TBC1D4: variants seen among roughly 807,000 people sequenced by gnomAD.
The protein encoded by TBC1D4 is TBC (Tre-2, BUB2, CDC16) domain-containing protein.
In TBC1D4, 121 loss-of-function variants were observed where a neutral mutation model predicts 142.5. The observed-to-expected ratio is 0.85, with a 90% CI of 0.73 to 0.99. TBC1D4 has a LOEUF of 0.99. Among genes scored for constraint, TBC1D4 ranks in the 50% least tolerant of loss-of-function variants. The probability of loss-of-function intolerance (pLI) is 0.00; values close to 1 mark genes in which losing one functional copy is unlikely to be tolerated. For missense variants in TBC1D4, 1,475 were observed against 1,606.6 expected (o/e 0.92, Z 1.40); for synonymous variants, 630 against 628.2 (o/e 1.00, Z -0.04).
chr13:75,394,054 T>C (rs1038952265), intron 1 of TBC1D4, among the ~76,000 whole-genome samples: 1 of 152,228 alleles, frequency 6.6e-6, no homozygotes, highest in Non-Finnish European at 1.5e-5. Context: ...CTATGTTAAT[T>C]GCTTTGAAAT....
chr13:75,349,383 T>G, intron 4 of TBC1D4, 81 bp from the exon 5 acceptor site: 1 of 1,555,536 alleles, frequency 6.4e-7, no homozygotes, highest in Non-Finnish European at 8.8e-7. Flanking sequence ...TGTGAGCCTT[T>G]GTTGATGCTG....
intron 4 of TBC1D4, 135 bp downstream of exon 4, chr13:75,356,012 G>A (rs942678611): frequency 1.8e-5 from 13 of 722,410 alleles, no homozygotes; most frequent in African/African-American, 1.4e-4. Flanking sequence ...GCTTTGAAGG[G>A]GAGGAACATA....
chr13:75,313,337 T>G (rs1042195617), intron 12 of TBC1D4, among the ~76,000 whole-genome samples: 1 of 152,220 alleles, frequency 6.6e-6, no homozygotes, highest in East Asian at 1.9e-4. Flanking sequence ...CTGTTTCTAA[T>G]TGCCTACGAC....
At chr13:75,383,604 A>G (rs986854428) in intron 1 of TBC1D4, among the ~76,000 whole-genome samples, 1 of 152,126 alleles carries the variant, frequency 6.6e-6, no homozygotes, top group African/African-American at 2.4e-5. Flanking sequence ...CATAATTTTT[A>G]TTACAGTATA....
chr13:75,388,993 G>A (rs1392689648), intron 1 of TBC1D4, among the ~76,000 whole-genome samples: 1 of 152,212 alleles, frequency 6.6e-6, no homozygotes, highest in Non-Finnish European at 1.5e-5. Context: ...TGTGCATAAA[G>A]TGGTTTACTG....
chr13:75,384,202 G>A (rs932651464), intron 1 of TBC1D4, among the ~76,000 whole-genome samples: 1 of 152,214 alleles, frequency 6.6e-6, no homozygotes, highest in Non-Finnish European at 1.5e-5. Flanking sequence ...TTGGGAGGCT[G>A]AGGCGGGCAG....
chr13:75,466,891 A>T (rs1888192926), intron 1 of TBC1D4, among the ~76,000 whole-genome samples: 1 of 151,874 alleles, frequency 6.6e-6, no homozygotes, highest in African/African-American at 2.4e-5. Context: ...ATAATAATTT[A>T]AAAATTAAAA....
chr13:75,360,815 T>C (rs1314982904), intron 2 of TBC1D4, among the ~76,000 whole-genome samples: 2 of 152,208 alleles, frequency 1.3e-5, no homozygotes, highest in African/African-American at 2.4e-5. Flanking sequence ...CGAGTGTTTA[T>C]GAAATCCTGC....
chr13:75,434,000 T>C (rs1886690453), intron 1 of TBC1D4, among the ~76,000 whole-genome samples: 1 of 151,924 alleles, frequency 6.6e-6, no homozygotes, highest in Non-Finnish European at 1.5e-5. Flanking sequence ...TTACTAAAAG[T>C]CAAAAAATAA....
chr13:75,328,781 G>A (rs1313741213), intron 8 of TBC1D4, among the ~76,000 whole-genome samples: 1 of 152,110 alleles, frequency 6.6e-6, no homozygotes, highest in Admixed American at 6.6e-5. Flanking sequence ...GACTCTGTCT[G>A]CAAACATTCT....
rs779357603 is a variant in TBC1D4, at chr13:75,286,223, G to C, written c.*569C>G. 9 of 153,460 alleles carry C rather than the reference G, an allele frequency of 5.9e-5. No individual in the cohort carries two copies. Among genetic ancestry groups the C allele is most frequent in the Non-Finnish European group, 1.3e-4 (9 of 68,734 alleles). The allele number at this position is 153,460 out of a possible 1,614,324, so 9.5% of individuals were successfully genotyped here. A position where few individuals can be genotyped will look rare whatever the true frequency, so the allele number is the denominator to read the frequency against. ...CCCTACCTTCCCAAAAAACTCACAGGAGCATGACCAGTAATCATTTTCCTC... is the reference window on the plus strand; with the variant it reads ...CCCTACCTTCCCAAAAAACTCACAGCAGCATGACCAGTAATCATTTTCCTC... On this transcript the variant is annotated 3_prime_UTR_variant, in exon 21 of 21. Transcript: ENST00000377636.
At chr13:75,396,955 G>C (rs1441817581) in intron 1 of TBC1D4, among the ~76,000 whole-genome samples, 5 of 152,104 alleles carry the variant, frequency 3.3e-5, no homozygotes, top group Non-Finnish European at 7.4e-5. Context: ...AGTAAAATAA[G>C]AAACAGGAAG....
chr13:75,360,694 G>GT (rs1566424191), intron 2 of TBC1D4, among the ~76,000 whole-genome samples: 1 of 152,172 alleles, frequency 6.6e-6, no homozygotes, highest in Non-Finnish European at 1.5e-5. Flanking sequence ...TTTGTGTTCT[G>GT]TGTGGGATTA....
At chr13:75,307,389 A>G (rs1256260806) in intron 14 of TBC1D4, among the ~76,000 whole-genome samples, 2 of 152,248 alleles carry the variant, frequency 1.3e-5, no homozygotes, top group African/African-American at 4.8e-5. Flanking sequence ...CCCAGAGCTC[A>G]TTAAAAGAAA....
rs1883306102 is a variant in TBC1D4 at position 75,373,075 on chromosome 13, CA to C, written c.499-10469del. 2.0e-5 allele frequency among the ~76,000 whole-genome samples: 3 copies of C among 152,122 alleles called. No individual in the cohort carries two copies. The South Asian group carries it at 6.2e-4, about 32-fold the overall frequency. ...AGGTTTTAAGCAAGGCTTAATTGTG[CA>C]ATGAAGTGGGCCTTGGAAAAGGAGG... On this transcript the variant is annotated intron_variant, in intron 1 of 20. Coordinates refer to ENST00000377636, the MANE Select transcript of TBC1D4 (RefSeq NM_014832.5).
intron 1 of TBC1D4, among the ~76,000 whole-genome samples, chr13:75,423,860 G>A (rs1401352672): frequency 2.0e-5 from 3 of 152,196 alleles, no homozygotes; most frequent in African/African-American, 7.2e-5. Context: ...AATGGGTACA[G>A]AGTTTCAGTT....
At chr13:75,444,326 T>C (rs1025596052) in intron 1 of TBC1D4, among the ~76,000 whole-genome samples, 9 of 152,186 alleles carry the variant, frequency 5.9e-5, no homozygotes, top group Middle Eastern at 6.8e-3. Flanking sequence ...AGAGTCTTGT[T>C]TTGTTGCCCA....
intron 1 of TBC1D4, among the ~76,000 whole-genome samples, chr13:75,406,572 G>A (rs7331166): frequency 0.037 from 5,702 of 152,276 alleles, 340 homozygotes; most frequent in African/African-American, 0.13. Flanking sequence ...TAAGAGGATC[G>A]AGAAGGATGG....
At chr13:75,301,475 A>G (rs1040695922) in intron 16 of TBC1D4, among the ~76,000 whole-genome samples, 1 of 151,900 alleles carries the variant, frequency 6.6e-6, no homozygotes, top group Non-Finnish European at 1.5e-5. Context: ...CCCCATCTCT[A>G]CTAAAAATAC....
Sources: allele counts gnomAD v4.1 joint callset (sites outside exome capture counted in the v4.1 genomes callset), GRCh38; gene constraint gnomAD v4.1.1; transcripts MANE v1.5; gene names NCBI Gene and HGNC (gene_info 2026-07-23, HGNC 2026-07-21).